Variants in ADCY5 observed in about 807,000 individuals in gnomAD.
ADCY5 encodes adenylate cyclase type 5.
ADCY5 carries 30 observed loss-of-function variants against 119.7 expected under a neutral mutation model. The observed-to-expected ratio is 0.25, with a 90% CI of 0.19 to 0.34. The LOEUF (loss-of-function observed/expected upper bound fraction) is 0.34, where lower values mean the gene tolerates loss of function less well. ADCY5 is among the 10% of genes least tolerant of loss of function. The pLI, the probability that ADCY5 is intolerant of heterozygous loss-of-function variation, is 1.00. For missense variants in ADCY5, 1,324 were observed against 1,775.2 expected, an observed-to-expected ratio of 0.75 and a Z score of 4.57; for synonymous variants, 753 against 762.2, an observed-to-expected ratio of 0.99 and a Z score of 0.20.
rs374226656 is a variant in ADCY5 at position 123,412,880 on chromosome 3, C to T, written c.1134+34532G>A. 3.3e-5 allele frequency among the ~76,000 whole-genome samples: 5 copies of T among 152,280 alleles called. No homozygotes were observed. The East Asian group carries it at 5.8e-4, about 18-fold the overall frequency. On this transcript the variant is annotated intron_variant, in intron 1 of 20. Transcript: ENST00000462833. ...CAATGACTGCCCTAAATAGCCCCGT[C>T]CAGGAACGTGCCTGTCAGAACAGCT...
At chr3:123,376,844 T>G (rs1351452285) in intron 1 of ADCY5, among the ~76,000 whole-genome samples, 1 of 152,172 alleles carries the variant, frequency 6.6e-6, no homozygotes, top group Non-Finnish European at 1.5e-5. Context: ...AAAGCCTAAT[T>G]TTAGACAATA....
intron 19 of ADCY5, among the ~76,000 whole-genome samples, chr3:123,287,647 C>CCTGA (rs1938870519): frequency 6.6e-6 from 1 of 152,178 alleles, no homozygotes; most frequent in Non-Finnish European, 1.5e-5. Context: ...TGCCATCAGT[C>CCTGA]CTCAGAACTT....
chr3:123,289,641 T>C, intron 19 of ADCY5, 109 bp downstream of exon 19: 1 of 1,358,174 alleles, frequency 7.4e-7, no homozygotes, highest in African/African-American at 1.4e-5. Flanking sequence ...CCGCCTGGCC[T>C]TCTACCTTGG....
intron 17 of ADCY5, 119 bp from the exon 18 acceptor site, chr3:123,291,495 G>C: frequency 7.7e-7 from 1 of 1,295,280 alleles, no homozygotes; most frequent in South Asian, 1.5e-5. Context: ...GCCAACTTGT[G>C]CCCAGGATGT....
At chr3:123,393,066 G>A (rs977145969) in intron 1 of ADCY5, among the ~76,000 whole-genome samples, 2 of 152,138 alleles carry the variant, frequency 1.3e-5, no homozygotes, top group East Asian at 3.9e-4. Flanking sequence ...GGCAACAGGT[G>A]AGGCAGGCAC....
At chr3:123,446,709 G>A (rs1007066563) in intron 1 of ADCY5, among the ~76,000 whole-genome samples, 2 of 152,146 alleles carry the variant, frequency 1.3e-5, no homozygotes, top group South Asian at 4.1e-4. Flanking sequence ...ATGACCAGGG[G>A]CACCCACTTG....
chr3:123,395,387 T>G (rs985627441), intron 1 of ADCY5, among the ~76,000 whole-genome samples: 1 of 152,128 alleles, frequency 6.6e-6, no homozygotes, highest in Non-Finnish European at 1.5e-5. Flanking sequence ...TCCCTCCCCA[T>G]CAAAATCCCC....
intron 16 of ADCY5, among the ~76,000 whole-genome samples, chr3:123,296,731 A>G (rs1939538699): frequency 6.6e-6 from 1 of 152,268 alleles, no homozygotes; most frequent in Non-Finnish European, 1.5e-5. Context: ...AAGAGATATT[A>G]TAAACAAAAT....
At chr3:123,330,332 G>T (rs777041948) in intron 5 of ADCY5, among the ~76,000 whole-genome samples, 1 of 152,206 alleles carries the variant, frequency 6.6e-6, no homozygotes, top group African/African-American at 2.4e-5. Context: ...GTTTTTCAAT[G>T]ACCAGGGCTC....
In ADCY5 at chr3:123,402,935, T is replaced by C. The variant is rs573496793; in HGVS notation, c.1134+44477A>G. Reference sequence around the variant, plus strand: ...GGAAGATGTATTTATGTTATATTTATTATATAATTAGAGATTGGTGATTTA... The same window carrying C: ...GGAAGATGTATTTATGTTATATTTACTATATAATTAGAGATTGGTGATTTA... On this transcript the variant is annotated intron_variant, in intron 1 of 20. Transcript: ENST00000462833. Among the ~76,000 whole-genome samples, 10 of 151,972 alleles carry C rather than the reference T, an allele frequency of 6.6e-5. No individual in the cohort carries two copies. The South Asian group carries it at 2.1e-3, about 32-fold the overall frequency.
intron 9 of ADCY5, among the ~76,000 whole-genome samples, chr3:123,320,470 G>A (rs921152285): frequency 6.6e-6 from 1 of 152,250 alleles, no homozygotes; most frequent in African/African-American, 2.4e-5. Flanking sequence ...ACTTTCCTGA[G>A]GGAGCCATGT....
chr3:123,332,498 G>A lies in ADCY5; in HGVS notation c.1518+66C>T, dbSNP rs116659644. 2,028 of 1,252,532 alleles carry A rather than the reference G, an allele frequency of 1.6e-3. 18 individuals are homozygous for A. The African/African-American group carries it at 0.025, about 16-fold the overall frequency. 77.6% of individuals were successfully genotyped at this position (1,252,532 alleles called of 1,614,324 possible). A position where few individuals can be genotyped will look rare whatever the true frequency, so the allele number is the denominator to read the frequency against. On this transcript the variant is annotated intron_variant, in intron 4 of 20. Transcript: ENST00000462833. ...CATCCCTGGGGTTCAGCAGGTCCTCGACCACAGCAGCCTCCCTCAACAGCC... is the reference window on the plus strand; with the variant it reads ...CATCCCTGGGGTTCAGCAGGTCCTCAACCACAGCAGCCTCCCTCAACAGCC...
At chr3:123,419,727 C>T (rs549849335) in intron 1 of ADCY5, among the ~76,000 whole-genome samples, 36 of 152,180 alleles carry the variant, frequency 2.4e-4, no homozygotes, top group Admixed American at 2.0e-4. Context: ...CCCCTGCCAG[C>T]GAGGCTCTTG....
At chr3:123,370,701 T>C (rs777165255) in intron 1 of ADCY5, among the ~76,000 whole-genome samples, 21 of 152,204 alleles carry the variant, frequency 1.4e-4, no homozygotes, top group Non-Finnish European at 2.8e-4. Flanking sequence ...TGTATTTTGG[T>C]ATCTCTTTGT....
chr3:123,384,207 G>T (rs1450808462), intron 1 of ADCY5, among the ~76,000 whole-genome samples: 1 of 152,248 alleles, frequency 6.6e-6, no homozygotes, highest in Non-Finnish European at 1.5e-5. Flanking sequence ...CCCTGAGGGA[G>T]ATTTAAAAAT....
chr3:123,330,774 A>G (rs1233506636), intron 5 of ADCY5, 115 bp downstream of exon 5: 2 of 1,383,964 alleles, frequency 1.4e-6, no homozygotes, highest in Non-Finnish European at 1.9e-6. Context: ...CTTTTGGCAG[A>G]CAGTTTCACC....
At chr3:123,395,979 GGAAAGAAAGAAACA>G (rs1351479652) in intron 1 of ADCY5, among the ~76,000 whole-genome samples, 1 of 111,144 alleles carries the variant, frequency 9.0e-6, no homozygotes, top group East Asian at 2.6e-4. Context: ...AAGAAAGGAA[GGAAAGAAAGAAACA>G]GAAAGAAAGA....
rs1941604225 is a variant in ADCY5, at chr3:123,328,542, C to T, written c.1805+102G>A. ...ACAGGTGCTTGCTGCCCATCCTGCC[C>T]ACCCCACCCTGCCCCGCCTCGCCTC... is the stretch of plus-strand genomic sequence containing the variant. On this transcript the variant is annotated intron_variant, in intron 6 of 20. Coordinates refer to ENST00000462833, the MANE Select transcript of ADCY5 (RefSeq NM_183357.3). The T allele has an allele frequency of 1.2e-5, 17 of 1,411,244 alleles. 1 individual carries two copies. In the South Asian group the frequency reaches 2.2e-4, roughly 18 times the overall value. 87.4% of individuals were successfully genotyped at this position (1,411,244 alleles called of 1,614,324 possible).
chr3:123,331,692 C>T (rs1304007019), intron 4 of ADCY5, among the ~76,000 whole-genome samples: 5 of 152,118 alleles, frequency 3.3e-5, no homozygotes, highest in Admixed American at 6.5e-5. Context: ...CAATTATGAG[C>T]GGTCCAACTC....
Sources: allele counts gnomAD v4.1 joint callset (sites outside exome capture counted in the v4.1 genomes callset), GRCh38; gene constraint gnomAD v4.1.1; transcripts MANE v1.5; gene names NCBI Gene and HGNC (gene_info 2026-07-23, HGNC 2026-07-21).